C8orf34: variants seen among roughly 807,000 people sequenced by gnomAD.
The protein encoded by C8orf34 is chromosome 8 open reading frame 34.
C8orf34 carries 65 observed loss-of-function variants against 68.3 expected under a neutral mutation model. The observed-to-expected ratio is 0.95, with a 90% CI of 0.78 to 1.17. The LOEUF is 1.17. Ranked by LOEUF, C8orf34 falls within the 50% of genes most tolerant of loss-of-function variation. C8orf34 has a pLI of 0.00. For missense variants in C8orf34, 664 were observed against 655.4 expected (o/e 1.01, Z -0.14); for synonymous variants, 244 against 241.2 (o/e 1.01, Z -0.11).
At chr8:68,638,607 C>A (rs527571254) in intron 7 of C8orf34, among the ~76,000 whole-genome samples, 2 of 151,828 alleles carry the variant, frequency 1.3e-5, no homozygotes, top group African/African-American at 4.8e-5. Flanking sequence ...GTTAGGAAAC[C>A]CTTTGTTTTC....
intron 12 of C8orf34, among the ~76,000 whole-genome samples, chr8:68,799,255 C>T (rs989378175): frequency 6.6e-6 from 1 of 152,046 alleles, no homozygotes; most frequent in Non-Finnish European, 1.5e-5. Context: ...TATATTTGCT[C>T]CAGGTGTGGC....
intron 7 of C8orf34, among the ~76,000 whole-genome samples, chr8:68,580,757 A>G (rs1479902781): frequency 1.3e-5 from 2 of 152,156 alleles, no homozygotes; most frequent in African/African-American, 4.8e-5. Context: ...TATGAAGTAT[A>G]ATATTCTCCA....
intron 1 of C8orf34, among the ~76,000 whole-genome samples, chr8:68,376,673 A>G (rs1807816294): frequency 6.6e-6 from 1 of 151,548 alleles, no homozygotes; most frequent in Non-Finnish European, 1.5e-5. Context: ...CTATATTTAA[A>G]CTTAATAGAT....
chr8:68,570,099 C>T (rs1282398348), intron 7 of C8orf34, among the ~76,000 whole-genome samples: 3 of 152,156 alleles, frequency 2.0e-5, no homozygotes, highest in Non-Finnish European at 4.4e-5. Context: ...CTTTTCTATA[C>T]TGAAGACAGT....
chr8:68,702,727 C>T (rs949055962), intron 8 of C8orf34, among the ~76,000 whole-genome samples: 3 of 152,108 alleles, frequency 2.0e-5, no homozygotes, highest in Non-Finnish European at 4.4e-5. Flanking sequence ...CATGGTTTAA[C>T]TGAATGGACA....
At chr8:68,671,548 A>G (rs1344332335) in intron 8 of C8orf34, among the ~76,000 whole-genome samples, 2 of 152,204 alleles carry the variant, frequency 1.3e-5, no homozygotes, top group Non-Finnish European at 2.9e-5. Context: ...TTTAGAATAC[A>G]ATACTAGCAT....
chr8:68,393,915 G>T (rs2129620869), intron 1 of C8orf34, among the ~76,000 whole-genome samples: 1 of 152,222 alleles, frequency 6.6e-6, no homozygotes, highest in South Asian at 2.1e-4. Context: ...GGGGAGAGAT[G>T]ATGGTGGCTG....
intron 12 of C8orf34, among the ~76,000 whole-genome samples, chr8:68,797,095 G>A (rs1359744613): frequency 6.6e-6 from 1 of 152,154 alleles, no homozygotes; most frequent in Non-Finnish European, 1.5e-5. Context: ...CCAAAGTGCT[G>A]GGATTACTGG....
intron 7 of C8orf34, among the ~76,000 whole-genome samples, chr8:68,596,813 T>C (rs563020240): frequency 1.3e-5 from 2 of 152,226 alleles, no homozygotes; most frequent in South Asian, 4.1e-4. Flanking sequence ...TCCAAAGCTG[T>C]CCACTCTGCA....
intron 7 of C8orf34, among the ~76,000 whole-genome samples, chr8:68,575,956 G>GGTTTTTTTTTTTTT (rs747862590): frequency 2.1e-5 from 2 of 96,348 alleles, no homozygotes; most frequent in Non-Finnish European, 2.1e-5. Flanking sequence ...GTAGATGGTT[G>GGTTTTTTTTTTTTT]TTTTTTTTTT....
At chr8:68,506,539 A>T (rs1814029999) in intron 5 of C8orf34, among the ~76,000 whole-genome samples, 1 of 150,876 alleles carries the variant, frequency 6.6e-6, no homozygotes, top group Admixed American at 6.6e-5. Context: ...TAAATGCCTG[A>T]TTTTTTTTTG....
chr8:68,557,654 C>CA (rs1377396097), intron 7 of C8orf34, among the ~76,000 whole-genome samples: 5 of 152,042 alleles, frequency 3.3e-5, no homozygotes, highest in African/African-American at 1.2e-4. Context: ...AACCTTGTAA[C>CA]AAAAAATGTG....
chr8:68,784,368 A>C (rs1047477794), intron 11 of C8orf34, among the ~76,000 whole-genome samples: 7 of 152,176 alleles, frequency 4.6e-5, no homozygotes, highest in African/African-American at 1.7e-4. Flanking sequence ...TCAAGGGTAC[A>C]TCCTATCAAT....
intron 1 of C8orf34, among the ~76,000 whole-genome samples, chr8:68,394,096 TTA>T (rs1422355954): frequency 2.0e-5 from 3 of 152,024 alleles, no homozygotes; most frequent in Non-Finnish European, 4.4e-5. Flanking sequence ...CATTTTTTTT[TTA>T]TTATTATACT....
chr8:68,817,434 T>G (rs1274481379), intron 13 of C8orf34, among the ~76,000 whole-genome samples: 1 of 152,134 alleles, frequency 6.6e-6, no homozygotes, highest in Non-Finnish European at 1.5e-5. Context: ...CTCCCTCTCT[T>G]TCTCTTCCTC....
chr8:68,628,119 G>T (rs189727428), intron 7 of C8orf34, among the ~76,000 whole-genome samples: 1 of 151,918 alleles, frequency 6.6e-6, no homozygotes, highest in African/African-American at 2.4e-5. Flanking sequence ...AAATTTCAAC[G>T]CAGCACTTAA....
At position 68,633,207 on chromosome 8, in the gene C8orf34, G is replaced by A. The variant is rs556984919; in HGVS notation, c.1106-7169G>A. Among the ~76,000 whole-genome samples the A allele has an allele frequency of 2.6e-5, 4 of 152,098 alleles. No individual in the cohort carries two copies. The East Asian group carries it at 7.8e-4, about 30-fold the overall frequency. ...CTGCTTGACAAATCCTAAAACTTATGTGACGAACTAGATAGTAAAAGAATA... is the reference window on the plus strand; with the variant it reads ...CTGCTTGACAAATCCTAAAACTTATATGACGAACTAGATAGTAAAAGAATA... On this transcript the variant is annotated intron_variant, in intron 7 of 13. Coordinates refer to ENST00000518698, the MANE Select transcript of C8orf34 (RefSeq NM_052958.4).
At chr8:68,683,496 G>C (rs1371284821) in intron 8 of C8orf34, among the ~76,000 whole-genome samples, 1 of 151,910 alleles carries the variant, frequency 6.6e-6, no homozygotes, top group Non-Finnish European at 1.5e-5. Flanking sequence ...GGGTTGGTGG[G>C]GGTGTAACTC....
intron 12 of C8orf34, 50 bp downstream of exon 12, chr8:68,787,586 T>A (rs376245580): frequency 8.3e-6 from 11 of 1,332,368 alleles, no homozygotes; most frequent in Non-Finnish European, 1.0e-5. Flanking sequence ...CAGAAGGAAA[T>A]CCACAATAAA....
Sources: gnomAD v4.1 joint callset for allele counts (sites outside exome capture counted in the v4.1 genomes callset) on GRCh38, gnomAD v4.1.1 for gene constraint, MANE v1.5 for transcripts, NCBI Gene and HGNC (gene_info 2026-07-23, HGNC 2026-07-21) for gene names.